ANKFN1: variants seen among roughly 807,000 people sequenced by gnomAD.
The protein encoded by ANKFN1 is ankyrin repeat and fibronectin type-III domain-containing protein 1.
Under a neutral mutation model 108.7 loss-of-function variants are expected in ANKFN1, and 74 were observed. The ratio of observed to expected loss-of-function variants is 0.68; its 90% CI spans 0.56 to 0.83. ANKFN1 has a LOEUF of 0.83. Among genes scored for constraint, ANKFN1 ranks in the 40% least tolerant of loss-of-function variants. The pLI is 0.00. For missense variants in ANKFN1, 1,505 were observed against 1,382.3 expected (o/e 1.09, Z -1.41); for synonymous variants, 547 against 516.2 (o/e 1.06, Z -0.81).
At chr17:56,283,049 G>A (rs185580079) in intron 3 of ANKFN1, among the ~76,000 whole-genome samples, 1 of 152,196 alleles carries the variant, frequency 6.6e-6, no homozygotes, top group Non-Finnish European at 1.5e-5. Flanking sequence ...AGGGAGTTTG[G>A]TGTATATATT....
intron 1 of ANKFN1, among the ~76,000 whole-genome samples, chr17:56,172,041 T>C (rs1910737855): frequency 6.6e-6 from 1 of 152,234 alleles, no homozygotes; most frequent in African/African-American, 2.4e-5. Flanking sequence ...CTGTGTTTAA[T>C]TGCAGGCTTA....
intron 4 of ANKFN1, among the ~76,000 whole-genome samples, chr17:56,137,772 T>A (rs1033178835): frequency 1.3e-5 from 2 of 152,184 alleles, no homozygotes; most frequent in African/African-American, 4.8e-5. Flanking sequence ...TTTTCTTATA[T>A]AAATTATTTA....
intron 20 of ANKFN1, among the ~76,000 whole-genome samples, chr17:56,503,526 T>G (rs1269548985): frequency 1.8e-5 from 2 of 109,360 alleles, no homozygotes; most frequent in Non-Finnish European, 4.0e-5. Context: ...TATATATATA[T>G]ATAGACAGTG....
intron 8 of ANKFN1, among the ~76,000 whole-genome samples, chr17:56,398,804 G>A (rs1270992157): frequency 6.6e-6 from 1 of 152,100 alleles, no homozygotes; most frequent in Non-Finnish European, 1.5e-5. Flanking sequence ...GAGTATTACT[G>A]TCCCAGCTGC....
At chr17:56,458,799 T>A (rs530239603) in intron 14 of ANKFN1, among the ~76,000 whole-genome samples, 1 of 152,262 alleles carries the variant, frequency 6.6e-6, no homozygotes. Context: ...CCCAGAAATA[T>A]GCATAACAGG....
chr17:56,364,807 A>C (rs1259911947), intron 6 of ANKFN1, among the ~76,000 whole-genome samples: 1 of 152,224 alleles, frequency 6.6e-6, no homozygotes, highest in African/African-American at 2.4e-5. Flanking sequence ...TGGGTGTAAT[A>C]AGTTATAGGA....
intron 4 of ANKFN1, among the ~76,000 whole-genome samples, chr17:56,080,386 G>C (rs1905231461): frequency 6.6e-6 from 1 of 152,220 alleles, no homozygotes; most frequent in African/African-American, 2.4e-5. Flanking sequence ...ATGCCCAACA[G>C]TAAGGGAATT....
intron 16 of ANKFN1, 46 bp from the exon 17 acceptor site, chr17:56,480,622 C>A: frequency 6.3e-7 from 1 of 1,599,644 alleles, no homozygotes; most frequent in South Asian, 1.1e-5. Context: ...GAGCTGTGTT[C>A]TGAACTTTTG....
intron 6 of ANKFN1, 95 bp downstream of exon 6, chr17:56,354,141 G>A (rs1567938573): frequency 8.2e-7 from 1 of 1,217,942 alleles, no homozygotes. Context: ...AGCAGGAATG[G>A]TTGACTAAGC....
At chr17:56,393,698 C>T (rs910581059) in intron 8 of ANKFN1, among the ~76,000 whole-genome samples, 5 of 152,196 alleles carry the variant, frequency 3.3e-5, no homozygotes, top group Admixed American at 6.5e-5. Context: ...ATGTGCTATA[C>T]GTGATTTCTC....
chr17:56,482,550 A>G, intron 18 of ANKFN1, 26 bp downstream of exon 18: 1 of 1,604,606 alleles, frequency 6.2e-7, no homozygotes, highest in African/African-American at 1.3e-5. Context: ...TCACCTAGAA[A>G]TATTAACCCA....
chr17:56,058,379 C>T (rs1004733557), intron 4 of ANKFN1, among the ~76,000 whole-genome samples: 6 of 152,244 alleles, frequency 3.9e-5, no homozygotes, highest in Non-Finnish European at 8.8e-5. Flanking sequence ...TCTACATCAG[C>T]ACTTGCTGCT....
At chr17:56,231,623 A>G (rs1421825507) in intron 3 of ANKFN1, among the ~76,000 whole-genome samples, 1 of 152,202 alleles carries the variant, frequency 6.6e-6, no homozygotes, top group Non-Finnish European at 1.5e-5. Context: ...CCCAGGGCCT[A>G]TGCCCATCGT....
chr17:56,170,977 TG>T (rs1350287150), intron 1 of ANKFN1, among the ~76,000 whole-genome samples: 1 of 151,340 alleles, frequency 6.6e-6, no homozygotes, highest in Non-Finnish European at 1.5e-5. Flanking sequence ...AAACTTATCT[TG>T]GGGGAGCTGG....
chr17:56,497,069 C>A (rs762592536), intron 19 of ANKFN1, among the ~76,000 whole-genome samples: 8 of 152,066 alleles, frequency 5.3e-5, no homozygotes, highest in Non-Finnish European at 8.8e-5. Context: ...CTGTCCTTGT[C>A]GGGCACTCTA....
chr17:56,239,002 A>G (rs1917377746), intron 3 of ANKFN1, among the ~76,000 whole-genome samples: 1 of 152,096 alleles, frequency 6.6e-6, no homozygotes, highest in African/African-American at 2.4e-5. Context: ...ATCAGAGACA[A>G]TCTCCTAAGT....
intron 1 of ANKFN1, chr17:56,195,368 A>G (rs1436712890): frequency 6.6e-6 from 1 of 152,188 alleles, no homozygotes; most frequent in Non-Finnish European, 1.5e-5. Context: ...TCAAGGGTCT[A>G]CCTAGCTCCT....
In ANKFN1 at chr17:56,195,634, G is replaced by C. The variant is rs149994733; in HGVS notation, c.-70-16964G>C. Among the ~76,000 whole-genome samples the C allele has an allele frequency of 1.7e-3, 264 of 152,258 alleles. 3 individuals carry two copies. Among genetic ancestry groups the C allele is most frequent in the African/African-American group, 6.1e-3 (254 of 41,570 alleles). Reference sequence around the variant, plus strand: ...GATGCTTATATACTCAAAGCAAAAAGAATAACTCTGAGCCCATTTCCTTCT... The same window carrying C: ...GATGCTTATATACTCAAAGCAAAAACAATAACTCTGAGCCCATTTCCTTCT... On this transcript the variant is annotated intron_variant, in intron 1 of 20. Coordinates refer to ENST00000682825, the MANE Select transcript of ANKFN1 (RefSeq NM_001370326.1).
chr17:56,458,030 A>G, intron 14 of ANKFN1, 51 bp downstream of exon 14: 3 of 1,478,408 alleles, frequency 2.0e-6, no homozygotes, highest in Non-Finnish European at 2.8e-6. Flanking sequence ...TTTTTAATGT[A>G]GAAAATTCAG....
Sources: gnomAD v4.1 joint callset for allele counts (sites outside exome capture counted in the v4.1 genomes callset) on GRCh38, gnomAD v4.1.1 for gene constraint, MANE v1.5 for transcripts, NCBI Gene and HGNC (gene_info 2026-07-23, HGNC 2026-07-21) for gene names.